The following DOCK8 variants were observed in gnomAD, a reference collection of about 807,000 sequenced individuals.
The protein encoded by DOCK8 is dedicator of cytokinesis protein 8.
A neutral mutation model predicts 245.6 loss-of-function variants in DOCK8; 141 were observed. The observed-to-expected ratio is 0.57, with a 90% confidence interval of 0.50 to 0.66. The LOEUF is 0.66. DOCK8 is among the 30% of genes least tolerant of loss of function. DOCK8 has a pLI of 0.00. For missense variants in DOCK8, 2,965 were observed against 2,603.4 expected (o/e 1.14, Z -3.02); for synonymous variants, 1,168 against 970.2 (o/e 1.20, Z -3.79).
chr9:428,391 C>A lies in DOCK8; in HGVS notation c.4368C>A (p.Ser1456Arg), dbSNP rs778131648. Residue 1456 changes from serine (S) to arginine (R), a missense_variant, in exon 35 of 48, where the codon AGC becomes AGA. This residue lies in a region of DOCK8 where 2,825 missense variants were observed against 2,453.5 expected (regional missense o/e 1.15). Coordinates refer to ENST00000432829, the MANE Select transcript of DOCK8 (RefSeq NM_203447.4). ...GCTCGGCTCTGGACTGTAAAGACAG[C>A]CTGCTGGGAGGTGTTCTGAGGGTGC... ...QASSALDCKDSLLGGVLRVLV... is the reference protein window; with the variant it reads ...QASSALDCKDRLLGGVLRVLV... The A allele has an allele frequency of 6.2e-7, 1 of 1,614,188 alleles. No homozygotes were observed. The highest frequency in any genetic ancestry group is 1.1e-5 in the South Asian group (1 of 91,078).
chr9:295,117 G>A (rs955267225), intron 4 of DOCK8, among the ~76,000 whole-genome samples: 6 of 151,844 alleles, frequency 4.0e-5, no homozygotes, highest in Non-Finnish European at 8.8e-5. Context: ...CTGAGATCAT[G>A]CCATTGTACT....
At chr9:332,630 A>C in intron 10 of DOCK8, 152 bp downstream of exon 10, 1 of 530,164 alleles carries the variant, frequency 1.9e-6, no homozygotes, top group Non-Finnish European at 3.3e-6. Flanking sequence ...GGAAAAGAAA[A>C]CTGGTCACCG....
intron 18 of DOCK8, among the ~76,000 whole-genome samples, chr9:372,962 C>T (rs919597054): frequency 1.2e-4 from 19 of 152,020 alleles, no homozygotes; most frequent in Admixed American, 5.9e-4. Flanking sequence ...GTGAGAAGTT[C>T]AAGACCAGCC....
chr9:339,023 C>T lies in DOCK8; in HGVS notation c.1440C>T (p.Ser480=), dbSNP rs750948108. ...CTTGGCAGGAAGGAGATCGCCTTAGCGATGAAGACTTATTCAAGTTTTTAG... is the reference window on the plus strand; with the variant it reads ...CTTGGCAGGAAGGAGATCGCCTTAGTGATGAAGACTTATTCAAGTTTTTAG... ...SFFKQEGDRL[S]DEDLFKFLAD... is the part of the protein sequence containing the mutation. Residue 480 remains serine (S), a synonymous_variant, in exon 13 of 48, where the codon AGC becomes AGT. Coordinates refer to ENST00000432829, the MANE Select transcript of DOCK8 (RefSeq NM_203447.4). 4 of 1,614,068 alleles carry T rather than the reference C, an allele frequency of 2.5e-6. No individual in the cohort carries two copies. Among genetic ancestry groups the T allele is most frequent in the East Asian group, 2.2e-5 (1 of 44,858 alleles).
chr9:249,985 A>C (rs1050764865), intron 1 of DOCK8, among the ~76,000 whole-genome samples: 7 of 152,048 alleles, frequency 4.6e-5, no homozygotes, highest in African/African-American at 1.7e-4. Flanking sequence ...AAGCTCTATA[A>C]TGTTGCAGGT....
chr9:299,461 C>T (rs2049425094), intron 4 of DOCK8, among the ~76,000 whole-genome samples: 2 of 152,056 alleles, frequency 1.3e-5, no homozygotes, highest in African/African-American at 2.4e-5. Flanking sequence ...TGCGGTTTCA[C>T]CATGTCACCC....
rs759089561 is a variant in DOCK8 at position 325,736 on chromosome 9, A to G, written c.893A>G (p.Lys298Arg). Residue 298 changes from lysine to arginine, a missense_variant and splice_region_variant, in exon 8 of 48, where the codon AAG becomes AGG. Lys to Arg is a conservative substitution (Grantham distance 26). This residue lies in a region of DOCK8 where 2,825 missense variants were observed against 2,453.5 expected (regional missense o/e 1.15). Coordinates refer to ENST00000432829, the MANE Select transcript of DOCK8 (RefSeq NM_203447.4). ...IALYDVKERK[K>R]ISENFHCDLN... ...CTCTACGATGTTAAAGAAAGGAAAAAGGTAAGAAAGCAAAGAAAAATCCAT... is the reference window on the plus strand; with the variant it reads ...CTCTACGATGTTAAAGAAAGGAAAAGGGTAAGAAAGCAAAGAAAAATCCAT... 9.9e-6 allele frequency: 16 copies of G among 1,613,262 alleles called. No individual in the cohort carries two copies. The highest frequency in any genetic ancestry group is 1.3e-5 in the African/African-American group (1 of 74,908).
At position 386,332 on chromosome 9, in the gene DOCK8, T is replaced by C. The variant is rs1433299302; in HGVS notation, c.2780T>C (p.Ile927Thr). The change falls in exon 23 of 48, where the codon ATC becomes ACC. Residue 927 changes from isoleucine (I) to threonine (T), a missense_variant and splice_region_variant. Coordinates refer to ENST00000432829, the MANE Select transcript of DOCK8 (RefSeq NM_203447.4). The part of the protein sequence containing the change: ...EEVKNIMSSK[I>T]ADRNCSRMSY... Reference sequence around the variant, plus strand: ...TAAGCCATGGTTTGTGTATTTTAGATCGCCGATCGCAACTGCAGCCGAATG... The same window carrying C: ...TAAGCCATGGTTTGTGTATTTTAGACCGCCGATCGCAACTGCAGCCGAATG... 1 of 1,613,574 alleles carries C rather than the reference T, an allele frequency of 6.2e-7. No homozygotes were observed. The highest frequency in any genetic ancestry group is 1.3e-5 in the African/African-American group (1 of 75,042).
intron 17 of DOCK8, 144 bp downstream of exon 17, chr9:371,710 C>A: frequency 8.6e-7 from 1 of 1,161,028 alleles, no homozygotes; most frequent in Non-Finnish European, 1.2e-6. Context: ...TAGCAAGAGG[C>A]AGAAATGATT....
chr9:249,099 C>T (rs1211036251), intron 1 of DOCK8, among the ~76,000 whole-genome samples: 1 of 152,218 alleles, frequency 6.6e-6, no homozygotes, highest in Non-Finnish European at 1.5e-5. Context: ...ACACTTCCCT[C>T]ACCTGGGACT....
At chr9:426,387 G>A (rs1192233104) in intron 33 of DOCK8, among the ~76,000 whole-genome samples, 1 of 152,178 alleles carries the variant, frequency 6.6e-6, no homozygotes, top group Non-Finnish European at 1.5e-5. Flanking sequence ...TTAAGAGGCT[G>A]ACTCTCCCCT....
Position 446,520 on chromosome 9 carries a change from G to C in DOCK8, c.5731G>C (p.Glu1911Gln), listed in dbSNP as rs759086407. 4.0e-5 allele frequency: 64 copies of C among 1,614,112 alleles called. No individual in the cohort carries two copies. Among genetic ancestry groups the C allele is most frequent in the Non-Finnish European group, 5.2e-5 (61 of 1,180,052 alleles). ...GGGGCGGCCTCGGGGAGAGCTGCAT[G>C]AGCAGTACAGAAGGAACACAGTCCT... The part of the protein sequence containing the change: ...LEGRPRGELH[E>Q]QYRRNTVLTT... The change falls in exon 44 of 48, where the codon GAG becomes CAG. Residue 1911 changes from glutamate (E) to glutamine (Q), a missense_variant. By Grantham distance (29) the Glu-to-Gln change is conservative (BLOSUM62 2). Transcript: ENST00000432829.
chr9:254,496 C>A (rs899624966), intron 1 of DOCK8, among the ~76,000 whole-genome samples: 4 of 152,160 alleles, frequency 2.6e-5, no homozygotes, highest in Admixed American at 2.6e-4. Flanking sequence ...CCTTCTCTTC[C>A]TTCTTTCCTC....
At position 286,335 on chromosome 9, in the gene DOCK8, C is replaced by T. The variant is rs952179898; in HGVS notation, c.157-126C>T. Reference sequence around the variant, plus strand: ...TGACAGCTCCTCCAAAGAGTCGCTCCGTTTTATGCCAGGAGCGAAGTACTT... The same window carrying T: ...TGACAGCTCCTCCAAAGAGTCGCTCTGTTTTATGCCAGGAGCGAAGTACTT... On this transcript the variant is annotated intron_variant, in intron 2 of 47. Coordinates refer to ENST00000432829, the MANE Select transcript of DOCK8 (RefSeq NM_203447.4). 5.4e-5 allele frequency: 58 copies of T among 1,072,012 alleles called. No individual in the cohort carries two copies. The East Asian group carries it at 1.0e-3, about 18-fold the overall frequency. 66.4% of individuals were successfully genotyped at this position (1,072,012 alleles called of 1,614,324 possible).
At chr9:433,214 G>A (rs909818100) in intron 37 of DOCK8, among the ~76,000 whole-genome samples, 6 of 152,142 alleles carry the variant, frequency 3.9e-5, no homozygotes, top group Non-Finnish European at 8.8e-5. Context: ...ACTATGGGCA[G>A]TTTAATAAAG....
At chr9:230,470 C>T (rs1243087271) in intron 1 of DOCK8, among the ~76,000 whole-genome samples, 4 of 152,042 alleles carry the variant, frequency 2.6e-5, no homozygotes, top group Non-Finnish European at 4.4e-5. Context: ...CCTGAGGAAT[C>T]GCCACACTGA....
intron 14 of DOCK8, among the ~76,000 whole-genome samples, chr9:358,158 C>T (rs1209255833): frequency 6.6e-6 from 1 of 152,076 alleles, no homozygotes; most frequent in Non-Finnish European, 1.5e-5. Flanking sequence ...GATCATAGCT[C>T]ACTGCAGCCT....
intron 36 of DOCK8, among the ~76,000 whole-genome samples, chr9:430,811 A>G (rs189946789): frequency 8.5e-5 from 13 of 152,260 alleles, no homozygotes; most frequent in African/African-American, 3.1e-4. Context: ...TGCCAGAATG[A>G]CCTGTGGAAG....
intron 1 of DOCK8, among the ~76,000 whole-genome samples, chr9:255,610 G>C (rs1191808506): frequency 6.9e-6 from 1 of 145,454 alleles, no homozygotes; most frequent in South Asian, 2.3e-4. Context: ...GGAGGTTGCA[G>C]TGAGCCGAGA....
Sources: allele counts gnomAD v4.1 joint callset (sites outside exome capture counted in the v4.1 genomes callset), GRCh38; gene constraint gnomAD v4.1.1; regional missense constraint gnomAD v4.1.1; transcripts MANE v1.5; gene names NCBI Gene and HGNC (gene_info 2026-07-23, HGNC 2026-07-21).